The following PEAK1 variants were observed in gnomAD, a reference collection of about 807,000 sequenced individuals.
PEAK1 encodes inactive tyrosine-protein kinase PEAK1.
PEAK1 carries 54 observed loss-of-function variants against 124.7 expected under a neutral mutation model. That is an observed-to-expected ratio of 0.43 (90% CI 0.35 to 0.54). The LOEUF (loss-of-function observed/expected upper bound fraction) is 0.54, where lower values mean the gene tolerates loss of function less well. Ranked by LOEUF, PEAK1 falls within the 20% of genes least tolerant of loss-of-function variation. PEAK1 has a pLI of 0.01. For synonymous variants in PEAK1, 719 were observed against 760.0 expected (o/e 0.95, Z 0.89); for missense variants, 2,046 against 2,134.5 (o/e 0.96, Z 0.82).
chr15:77,301,186 G>A (rs1302977033), intron 2 of PEAK1, among the ~76,000 whole-genome samples: 2 of 152,180 alleles, frequency 1.3e-5, no homozygotes, highest in Non-Finnish European at 2.9e-5. Flanking sequence ...GTCTCTAGGG[G>A]TGAATCATTC....
intron 1 of PEAK1, among the ~76,000 whole-genome samples, chr15:77,390,724 T>C (rs1000928971): frequency 3.3e-5 from 5 of 152,216 alleles, no homozygotes; most frequent in African/African-American, 1.2e-4. Context: ...AATTAGACAC[T>C]ATTTTCATTT....
At chr15:77,261,389 A>G (rs2061430924) in intron 5 of PEAK1, among the ~76,000 whole-genome samples, 1 of 152,286 alleles carries the variant, frequency 6.6e-6, no homozygotes, top group African/African-American at 2.4e-5. Flanking sequence ...GATTAGACGA[A>G]TGGCTAACTA....
intron 6 of PEAK1, among the ~76,000 whole-genome samples, chr15:77,232,931 C>T (rs1487675670): frequency 2.0e-5 from 3 of 151,864 alleles, no homozygotes; most frequent in Non-Finnish European, 4.4e-5. Flanking sequence ...ATTTTTAGTA[C>T]AGACGGGGTT....
At chr15:77,123,837 T>C (rs1178307481) in intron 9 of PEAK1, among the ~76,000 whole-genome samples, 1 of 152,134 alleles carries the variant, frequency 6.6e-6, no homozygotes, top group Non-Finnish European at 1.5e-5. Context: ...GGCCAGCCAA[T>C]ATATAGCCCA....
rs548392376 is a variant in PEAK1, at chr15:77,251,370, C to T, written c.-115+997G>A. On this transcript the variant is annotated intron_variant, in intron 6 of 9. Transcript: ENST00000682557. Reference sequence around the variant, plus strand: ...TTATAATCCTTCAAAATTTCCCTCTCCTTTACTATTTTGGATTCTTGTCCA... The same window carrying T: ...TTATAATCCTTCAAAATTTCCCTCTTCTTTACTATTTTGGATTCTTGTCCA... Among the ~76,000 whole-genome samples, 66 of 152,286 alleles carry T rather than the reference C, an allele frequency of 4.3e-4. No individual in the cohort carries two copies. In the East Asian group the frequency reaches 0.011, roughly 24 times the overall value.
chr15:77,115,333 A>C lies in PEAK1; in HGVS notation c.4078-14T>G. ...GCTCTTACAGATCTGAAAGATAATAAAACAATTCAAAACTCACACTCTCAT... is the reference window on the plus strand; with the variant it reads ...GCTCTTACAGATCTGAAAGATAATACAACAATTCAAAACTCACACTCTCAT... On this transcript the variant is annotated splice_polypyrimidine_tract_variant and intron_variant, in intron 9 of 9. Coordinates refer to ENST00000682557, the MANE Select transcript of PEAK1 (RefSeq NM_001385026.1). The C allele has an allele frequency of 1.3e-6, 2 of 1,595,716 alleles. No individual in the cohort carries two copies. The highest frequency in any genetic ancestry group is 1.1e-5 in the South Asian group (1 of 90,258).
intron 5 of PEAK1, among the ~76,000 whole-genome samples, chr15:77,281,139 C>T (rs2062650964): frequency 6.6e-6 from 1 of 152,092 alleles, no homozygotes; most frequent in Non-Finnish European, 1.5e-5. Context: ...TGCACTCCAG[C>T]CTGGGCAACA....
intron 6 of PEAK1, among the ~76,000 whole-genome samples, chr15:77,184,152 A>G (rs1040221954): frequency 1.4e-4 from 22 of 152,098 alleles, no homozygotes; most frequent in African/African-American, 5.3e-4. Context: ...GATTGCATTT[A>G]AACAATATAA....
intron 2 of PEAK1, among the ~76,000 whole-genome samples, chr15:77,308,457 C>T (rs77205903): frequency 6.6e-6 from 1 of 151,900 alleles, no homozygotes; most frequent in Non-Finnish European, 1.5e-5. Flanking sequence ...TTCAACATAC[C>T]CCTCATTTGT....
rs1596714923 is a variant in PEAK1, at chr15:77,226,005, C to T, written c.-115+26362G>A. On this transcript the variant is annotated intron_variant, in intron 6 of 9. Transcript: ENST00000682557. ...ACCAAGAAAAAAAAATCAATGCTTTCTTTTTAATTCTGTCAGTCACAGCAA... is the reference window on the plus strand; with the variant it reads ...ACCAAGAAAAAAAAATCAATGCTTTTTTTTTAATTCTGTCAGTCACAGCAA... Among the ~76,000 whole-genome samples the T allele has an allele frequency of 3.2e-5, 4 of 124,498 alleles. No homozygotes were observed. In the South Asian group the frequency reaches 1.0e-3, roughly 31 times the overall value. 81.7% of individuals were successfully genotyped at this position (124,498 alleles called of 152,430 possible).
chr15:77,203,038 GAA>G (rs528246915), intron 6 of PEAK1, among the ~76,000 whole-genome samples: 6 of 80,440 alleles, frequency 7.5e-5, no homozygotes, highest in Non-Finnish European at 1.3e-4. Flanking sequence ...CCCTGTCTCA[GAA>G]AAAAAAAAAA....
Position 77,337,612 on chromosome 15 carries a change from C to T in PEAK1, c.-603+27551G>A, listed in dbSNP as rs1302776435. 4 of 985,270 alleles carry T rather than the reference C, an allele frequency of 4.1e-6. No individual in the cohort carries two copies. In the Admixed American group the frequency reaches 1.8e-4, roughly 45 times the overall value. 61.0% of individuals were successfully genotyped at this position (985,270 alleles called of 1,614,324 possible). Reference sequence around the variant, plus strand: ...CTTACCTCAGAGATATGCTACAAAACCTTTACCATGGATTAATTCCCATGA... The same window carrying T: ...CTTACCTCAGAGATATGCTACAAAATCTTTACCATGGATTAATTCCCATGA... On this transcript the variant is annotated intron_variant, in intron 2 of 9. Transcript: ENST00000682557.
At chr15:77,409,071 A>T (rs1429233010) in intron 1 of PEAK1, among the ~76,000 whole-genome samples, 1 of 152,082 alleles carries the variant, frequency 6.6e-6, no homozygotes, top group East Asian at 1.9e-4. Context: ...ACCCCATCTC[A>T]AAAACAAACA....
chr15:77,213,151 T>C (rs1165879646), intron 6 of PEAK1, among the ~76,000 whole-genome samples: 1 of 152,214 alleles, frequency 6.6e-6, no homozygotes, highest in Admixed American at 6.5e-5. Context: ...AATAATGTTC[T>C]ATGCAATGCT....
intron 8 of PEAK1, among the ~76,000 whole-genome samples, chr15:77,141,015 A>G (rs1386673466): frequency 1.3e-5 from 2 of 152,020 alleles, no homozygotes; most frequent in South Asian, 2.1e-4. Flanking sequence ...TTTCTATTCT[A>G]CGTTGTACAG....
At chr15:77,191,908 C>A (rs1397024987) in intron 6 of PEAK1, among the ~76,000 whole-genome samples, 1 of 152,078 alleles carries the variant, frequency 6.6e-6, no homozygotes, top group African/African-American at 2.4e-5. Context: ...ATAAGAGTGA[C>A]TAAAGATGAC....
intron 5 of PEAK1, among the ~76,000 whole-genome samples, chr15:77,260,607 A>C (rs1179998268): frequency 6.6e-6 from 1 of 152,230 alleles, no homozygotes; most frequent in Admixed American, 6.5e-5. Flanking sequence ...AAATATATAG[A>C]GACAAATGAA....
chr15:77,259,561 T>A (rs1273026667), intron 5 of PEAK1, among the ~76,000 whole-genome samples: 1 of 152,168 alleles, frequency 6.6e-6, no homozygotes, highest in Non-Finnish European at 1.5e-5. Flanking sequence ...CTTGGGAGCT[T>A]CTGAATTCTG....
chr15:77,202,012 C>A (rs17467967), intron 6 of PEAK1, among the ~76,000 whole-genome samples: 1 of 152,106 alleles, frequency 6.6e-6, no homozygotes, highest in Admixed American at 6.5e-5. Context: ...ATTTTAGACT[C>A]CAATATTGTT....
Sources: gnomAD v4.1 joint callset for allele counts (sites outside exome capture counted in the v4.1 genomes callset) on GRCh38, gnomAD v4.1.1 for gene constraint, MANE v1.5 for transcripts, NCBI Gene and HGNC (gene_info 2026-07-23, HGNC 2026-07-21) for gene names.